CFAP36: variants seen among roughly 807,000 people sequenced by gnomAD.
CFAP36 encodes the protein cilia- and flagella-associated protein 36.
A neutral mutation model predicts 50.5 loss-of-function variants in CFAP36; 37 were observed. That is an observed-to-expected ratio of 0.73 (90% CI 0.56 to 0.96). The LOEUF is 0.96. Ranked by LOEUF, CFAP36 falls within the 50% of genes least tolerant of loss-of-function variation. The pLI is 0.00. For missense variants in CFAP36, 407 were observed against 396.2 expected, an observed-to-expected ratio of 1.03 and a Z score of -0.23; for synonymous variants, 138 against 128.2, an observed-to-expected ratio of 1.08 and a Z score of -0.52.
chr2:55,524,422 ATTTTTTTTTTT>A (rs57908457), intron 3 of CFAP36, among the ~76,000 whole-genome samples: 17 of 99,364 alleles, frequency 1.7e-4, no homozygotes, highest in African/African-American at 5.5e-4. Flanking sequence ...CACATGGCTA[ATTTTTTTTTTT>A]TTTTTTTTTT....
chr2:55,545,048 C>G lies in CFAP36; in HGVS notation c.*40C>G, dbSNP rs1345626075. The G allele has an allele frequency of 8.1e-7, 1 of 1,230,268 alleles. No homozygotes were observed. Among genetic ancestry groups the G allele is most frequent in the Non-Finnish European group, 1.1e-6 (1 of 874,414 alleles). 76.2% of individuals were successfully genotyped at this position (1,230,268 alleles called of 1,614,324 possible). ...TTAACAAAATGGAAGTTCAAATTGT[C>G]TTAAAAATAAATTATTTAGTCCTTA... On this transcript the variant is annotated 3_prime_UTR_variant, in exon 10 of 10. Coordinates refer to ENST00000349456, the MANE Select transcript of CFAP36 (RefSeq NM_080667.7).
At chr2:55,528,145 G>A (rs1317542666) in intron 3 of CFAP36, among the ~76,000 whole-genome samples, 3 of 151,178 alleles carry the variant, frequency 2.0e-5, no homozygotes, top group South Asian at 2.1e-4. Context: ...AAGCCACTGC[G>A]CCTGGCCACA....
chr2:55,526,289 T>C (rs1039971661), intron 3 of CFAP36, among the ~76,000 whole-genome samples: 4 of 152,232 alleles, frequency 2.6e-5, no homozygotes, highest in Non-Finnish European at 5.9e-5. Context: ...TGCTAGTACA[T>C]AGTTCTCAAT....
At position 55,535,747 on chromosome 2, in the gene CFAP36, G is replaced by C. The variant is rs1237330843; in HGVS notation, c.521G>C (p.Arg174Thr). ...SKEEYDQEEE[R>T]KRKKQLSEAK... ...GAGGAATATGACCAGGAAGAAGAAA[G>C]GAAGAGGAAAAAACAGGTGCCTACA... The change falls in exon 6 of 10, where the codon AGG becomes ACG. Residue 174 changes from arginine (R) to threonine (T), a missense_variant. Coordinates refer to ENST00000349456, the MANE Select transcript of CFAP36 (RefSeq NM_080667.7). The C allele has an allele frequency of 6.5e-7, 1 of 1,548,534 alleles. No homozygotes were observed. The highest frequency in any genetic ancestry group is 1.3e-5 in the South Asian group (1 of 78,002).
At chr2:55,542,400 C>G (rs1222888522) in intron 7 of CFAP36, among the ~76,000 whole-genome samples, 1 of 152,120 alleles carries the variant, frequency 6.6e-6, no homozygotes, top group Non-Finnish European at 1.5e-5. Flanking sequence ...GTATGAAGAC[C>G]TGAGTTTGGA....
chr2:55,531,156 G>C lies in CFAP36; in HGVS notation c.397+2164G>C, dbSNP rs540896242. 3.9e-5 allele frequency: 6 copies of C among 152,290 alleles called. No homozygotes were observed. In the South Asian group the frequency reaches 8.3e-4, roughly 21 times the overall value. 9.4% of individuals were successfully genotyped at this position (152,290 alleles called of 1,614,324 possible). On this transcript the variant is annotated intron_variant, in intron 4 of 9. Transcript: ENST00000349456. ...TGACATAGTGCTATTACTTTGATGT[G>C]AATAAGTCTGGAAAATAGTCTCTTT...
At chr2:55,529,647 CTTT>C (rs762612056) in intron 4 of CFAP36, among the ~76,000 whole-genome samples, 87 of 126,518 alleles carry the variant, frequency 6.9e-4, no homozygotes, top group African/African-American at 1.9e-3. Flanking sequence ...AGCAGTGGTT[CTTT>C]TTTTTTTTTT....
Position 55,540,881 on chromosome 2 carries a change from T to TG in CFAP36, c.641-3056dup, listed in dbSNP as rs561041657. On this transcript the variant is annotated intron_variant, in intron 7 of 9. Coordinates refer to ENST00000349456, the MANE Select transcript of CFAP36 (RefSeq NM_080667.7). Reference sequence around the variant, plus strand: ...TACAAAAATTAGCCAGGCATGGTGGTGCACGCCTGTAGTCCCAGCCTCTAG... The same window carrying TG: ...TACAAAAATTAGCCAGGCATGGTGGTGGCACGCCTGTAGTCCCAGCCTCTAG... Among the ~76,000 whole-genome samples the TG allele has an allele frequency of 6.6e-5, 10 of 152,092 alleles. No individual in the cohort carries two copies. The South Asian group carries it at 1.9e-3, about 28-fold the overall frequency.
At chr2:55,520,384 G>T in intron 1 of CFAP36, 1 of 1,527,442 alleles carries the variant, frequency 6.5e-7, no homozygotes, top group East Asian at 2.5e-5. Context: ...AATGAGAAAT[G>T]ATTTCACTCC....
chr2:55,523,634 A>C (rs912544276), intron 2 of CFAP36, 87 bp from the exon 3 acceptor site: 1 of 771,950 alleles, frequency 1.3e-6, no homozygotes, highest in African/African-American at 1.8e-5. Flanking sequence ...AAATTCGATG[A>C]TACTTTTCTA....
chr2:55,544,986 A>C lies in CFAP36; in HGVS notation c.1007A>C (p.Lys336Thr). The C allele has an allele frequency of 6.3e-7, 1 of 1,590,054 alleles. No homozygotes were observed. Among genetic ancestry groups the C allele is most frequent in the South Asian group, 1.1e-5 (1 of 87,354 alleles). ...LKRRLLAEKL[K>T]EEVINK is the part of the protein sequence containing the mutation. Reference sequence around the variant, plus strand: ...AGGAGATTGCTTGCAGAGAAACTCAAAGAAGAAGTTATTAATAAGTAATAA... The same window carrying C: ...AGGAGATTGCTTGCAGAGAAACTCACAGAAGAAGTTATTAATAAGTAATAA... The change falls in exon 10 of 10, where the codon AAA becomes ACA. Residue 336 changes from lysine (K) to threonine (T), a missense_variant. By Grantham distance (78) the Lys-to-Thr change is moderately conservative. Transcript: ENST00000349456.
At chr2:55,543,584 G>A (rs1456815743) in intron 7 of CFAP36, among the ~76,000 whole-genome samples, 1 of 152,154 alleles carries the variant, frequency 6.6e-6, no homozygotes, top group African/African-American at 2.4e-5. Flanking sequence ...TGTAGTAAGG[G>A]ATTAGTATAC....
intron 3 of CFAP36, 83 bp downstream of exon 3, chr2:55,523,905 T>C (rs145007248): frequency 0.012 from 10,272 of 837,778 alleles, 86 homozygotes; most frequent in Non-Finnish European, 0.016. Flanking sequence ...GAATGTTTGA[T>C]TGACAAAGTG....
intron 6 of CFAP36, among the ~76,000 whole-genome samples, chr2:55,536,854 C>G (rs183748966): frequency 1.3e-5 from 2 of 151,952 alleles, no homozygotes; most frequent in African/African-American, 4.8e-5. Context: ...AAGCGATTCT[C>G]GTGCCTCAGC....
chr2:55,537,436 A>T (rs1684516923), intron 6 of CFAP36, 47 bp from the exon 7 acceptor site: 1 of 1,278,668 alleles, frequency 7.8e-7, no homozygotes, highest in African/African-American at 1.5e-5. Flanking sequence ...GTTAAAATGA[A>T]TCTAAATTGT....
At chr2:55,541,485 A>G (rs933618387) in intron 7 of CFAP36, among the ~76,000 whole-genome samples, 2 of 152,172 alleles carry the variant, frequency 1.3e-5, no homozygotes, top group African/African-American at 4.8e-5. Flanking sequence ...GCTAATGTAA[A>G]TGGTATTTTT....
At chr2:55,542,945 T>G (rs942631546) in intron 7 of CFAP36, among the ~76,000 whole-genome samples, 2 of 152,244 alleles carry the variant, frequency 1.3e-5, no homozygotes, top group Non-Finnish European at 2.9e-5. Flanking sequence ...AGAGCTTTTC[T>G]TCCTTCAACC....
At chr2:55,541,122 C>T (rs115838191) in intron 7 of CFAP36, among the ~76,000 whole-genome samples, 1,595 of 152,168 alleles carry the variant, frequency 0.01, 17 homozygotes, top group Non-Finnish European at 0.015. Context: ...CAGGAGTTTG[C>T]GACCAGTGTG....
intron 9 of CFAP36, among the ~76,000 whole-genome samples, chr2:55,544,595 G>T (rs538108778): frequency 1.3e-5 from 2 of 152,190 alleles, no homozygotes; most frequent in African/African-American, 4.8e-5. Flanking sequence ...TTCTTATGCT[G>T]TTTCTTTACT....
Sources: gnomAD v4.1 joint callset for allele counts (sites outside exome capture counted in the v4.1 genomes callset) on GRCh38, gnomAD v4.1.1 for gene constraint, MANE v1.5 for transcripts, NCBI Gene and HGNC (gene_info 2026-07-23, HGNC 2026-07-21) for gene names.